Variants in NALCN observed in about 807,000 individuals in gnomAD.
NALCN encodes the protein sodium leak channel NALCN.
NALCN carries 111 observed loss-of-function variants against 225.3 expected under a neutral mutation model. The ratio of observed to expected loss-of-function variants is 0.49; its 90% CI spans 0.42 to 0.58. NALCN has a LOEUF of 0.58. Ranked by LOEUF, NALCN falls within the 20% of genes least tolerant of loss-of-function variation. The pLI is 0.00. For synonymous variants in NALCN, 764 were observed against 769.0 expected (o/e 0.99, Z 0.11); for missense variants, 1,378 against 2,202.4 (o/e 0.63, Z 7.49).
At chr13:101,124,905 GC>G (rs2036161255) in intron 17 of NALCN, among the ~76,000 whole-genome samples, 1 of 152,172 alleles carries the variant, frequency 6.6e-6, no homozygotes, top group African/African-American at 2.4e-5. Flanking sequence ...CATTGGCTGT[GC>G]CTCACTCTGA....
Position 101,111,220 on chromosome 13 carries a change from G to A in NALCN, c.2199C>T (p.Cys733=). Residue 733 remains cysteine (C), a synonymous_variant, in exon 19 of 44, where the codon TGC becomes TGT. Coordinates refer to ENST00000251127, the MANE Select transcript of NALCN (RefSeq NM_052867.4). ...ATCCGCTCAGCATGCGCTGTCGGGT[G>A]CAAGCTCTAGGAAAAAAAAAGGAGC... ...ETAVTKILRA[C]TRQRMLSGSF... 2 of 1,585,680 alleles carry A rather than the reference G, an allele frequency of 1.3e-6. No homozygotes were observed. Among genetic ancestry groups the A allele is most frequent in the Non-Finnish European group, 1.7e-6 (2 of 1,160,972 alleles).
At chr13:101,363,981 G>A (rs932652183) in intron 6 of NALCN, among the ~76,000 whole-genome samples, 1 of 151,994 alleles carries the variant, frequency 6.6e-6, no homozygotes, top group African/African-American at 2.4e-5. Context: ...ATATAAAAAT[G>A]GTTAACATCA....
At chr13:101,110,558 G>T (rs2035371992) in intron 20 of NALCN, 61 bp downstream of exon 20, 1 of 1,555,776 alleles carries the variant, frequency 6.4e-7, no homozygotes, top group Non-Finnish European at 8.9e-7. Flanking sequence ...TGTCTAAGCA[G>T]TCATTTAAAT....
chr13:101,227,044 G>A (rs568146641), intron 13 of NALCN, among the ~76,000 whole-genome samples: 10 of 152,242 alleles, frequency 6.6e-5, no homozygotes, highest in African/African-American at 1.2e-4. Context: ...ACCTCCGGAC[G>A]CTGGAGAGCT....
In NALCN at chr13:101,402,910, C is replaced by A. The variant is rs114129023; in HGVS notation, c.-39-3745G>T. Reference sequence around the variant, plus strand: ...GAAGGCCCAGCAGGTTCTCTTTGCACCCACTCTCAGCAGTGGATTGTTTTC... The same window carrying A: ...GAAGGCCCAGCAGGTTCTCTTTGCAACCACTCTCAGCAGTGGATTGTTTTC... On this transcript the variant is annotated intron_variant, in intron 1 of 43. Coordinates refer to ENST00000251127, the MANE Select transcript of NALCN (RefSeq NM_052867.4). Among the ~76,000 whole-genome samples the A allele has an allele frequency of 8.3e-3, 1,263 of 152,320 alleles. 23 individuals are homozygous for A. The highest frequency in any genetic ancestry group is 0.029 in the African/African-American group (1,205 of 41,566).
chr13:101,250,405 T>C lies in NALCN; in HGVS notation c.1266+8038A>G, dbSNP rs538980203. ...ATAAAGGATAGCACTTATGACAACATGTTATCAACTAAAGCTTTGATGTAT... is the reference window on the plus strand; with the variant it reads ...ATAAAGGATAGCACTTATGACAACACGTTATCAACTAAAGCTTTGATGTAT... On this transcript the variant is annotated intron_variant, in intron 11 of 43. Transcript: ENST00000251127. 1.4e-3 allele frequency among the ~76,000 whole-genome samples: 218 copies of C among 152,206 alleles called. 1 individual carries two copies. Among genetic ancestry groups the C allele is most frequent in the African/African-American group, 5.2e-3 (216 of 41,568 alleles).
At chr13:101,072,694 G>A (rs1208965643) in intron 37 of NALCN, among the ~76,000 whole-genome samples, 4 of 152,086 alleles carry the variant, frequency 2.6e-5, no homozygotes, top group South Asian at 2.1e-4. Context: ...AGACATAGGC[G>A]GCCCTATCTC....
At chr13:101,181,008 A>G in intron 14 of NALCN, 1 of 463,110 alleles carries the variant, frequency 2.2e-6, no homozygotes. Flanking sequence ...ATAAATTCAC[A>G]CATTTAGTTC....
chr13:101,149,713 G>A (rs1392458397), intron 15 of NALCN, among the ~76,000 whole-genome samples: 2 of 152,236 alleles, frequency 1.3e-5, no homozygotes, highest in Non-Finnish European at 2.9e-5. Context: ...AGTTAACACA[G>A]AGAAGGATGA....
At chr13:101,118,874 C>A (rs1312907058) in intron 18 of NALCN, among the ~76,000 whole-genome samples, 2 of 152,118 alleles carry the variant, frequency 1.3e-5, no homozygotes, top group Non-Finnish European at 2.9e-5. Flanking sequence ...GAGCTGAGCT[C>A]AAAGGTCCAG....
Position 101,055,557 on chromosome 13 carries a change from C to G in NALCN, c.5024-69G>C, listed in dbSNP as rs376196561. 2.2e-4 allele frequency: 297 copies of G among 1,333,902 alleles called. 2 individuals are homozygous for G. The African/African-American group carries it at 3.8e-3, about 17-fold the overall frequency. 82.6% of individuals were successfully genotyped at this position (1,333,902 alleles called of 1,614,324 possible). ...CCCTATTGTAATCACTCCTAAAAACCCATGATATTCCCATCAGTGATACTT... is the reference window on the plus strand; with the variant it reads ...CCCTATTGTAATCACTCCTAAAAACGCATGATATTCCCATCAGTGATACTT... On this transcript the variant is annotated intron_variant, in intron 43 of 43. Transcript: ENST00000251127.
intron 6 of NALCN, among the ~76,000 whole-genome samples, chr13:101,371,381 C>T (rs1158094413): frequency 6.6e-6 from 1 of 152,094 alleles, no homozygotes; most frequent in Admixed American, 6.6e-5. Flanking sequence ...TGCAGTGACG[C>T]AATCATAGCT....
At chr13:101,071,731 C>G (rs188154774) in intron 37 of NALCN, among the ~76,000 whole-genome samples, 8 of 152,250 alleles carry the variant, frequency 5.3e-5, no homozygotes, top group Admixed American at 3.3e-4. Context: ...ATTTTAATTC[C>G]CTTCAAGAAC....
intron 17 of NALCN, among the ~76,000 whole-genome samples, chr13:101,128,700 G>A (rs2036361018): frequency 6.6e-6 from 1 of 152,028 alleles, no homozygotes; most frequent in Non-Finnish European, 1.5e-5. Context: ...TGGGACTACA[G>A]GCGTGTGCCA....
At chr13:101,286,468 A>G (rs2043342728) in intron 9 of NALCN, among the ~76,000 whole-genome samples, 2 of 152,200 alleles carry the variant, frequency 1.3e-5, no homozygotes, top group South Asian at 4.1e-4. Context: ...CTAGTCTACA[A>G]GGTGACTGTG....
Position 101,181,234 on chromosome 13 carries a change from C to T in NALCN, c.1765-4860G>A, listed in dbSNP as rs1011594487. On this transcript the variant is annotated intron_variant, in intron 14 of 43. Transcript: ENST00000251127. ...TGTGGTGAGGGCCTGGTGAGTAAGT[C>T]TGGCCAGAGTCTGGCTTCCAGGCAG... The T allele has an allele frequency of 5.8e-6, 3 of 518,708 alleles. No individual in the cohort carries two copies. In the African/African-American group the frequency reaches 5.8e-5, roughly 10 times the overall value. The allele number at this position is 518,708 out of a possible 1,614,324, so 32.1% of individuals were successfully genotyped here.
At chr13:101,365,247 T>G (rs1015527132) in intron 6 of NALCN, among the ~76,000 whole-genome samples, 2 of 152,128 alleles carry the variant, frequency 1.3e-5, no homozygotes, top group Non-Finnish European at 2.9e-5. Flanking sequence ...CTTCTTTGTG[T>G]CTGTATGTAC....
intron 1 of NALCN, among the ~76,000 whole-genome samples, chr13:101,412,502 A>G (rs1429376150): frequency 6.6e-6 from 1 of 152,160 alleles, no homozygotes; most frequent in Admixed American, 6.5e-5. Context: ...TGTCTTCAGA[A>G]CATATTCCGG....
rs540394781 is a variant in NALCN, at chr13:101,289,398, G to A, written c.1047+2592C>T. Among the ~76,000 whole-genome samples, 4 of 152,046 alleles carry A rather than the reference G, an allele frequency of 2.6e-5. No homozygotes were observed. In the East Asian group the frequency reaches 5.8e-4, roughly 22 times the overall value. Reference sequence around the variant, plus strand: ...CCATTCAATTGAAAAATATTGCTTCGTTATTTTAAAGAAACAGTTCTCATC... The same window carrying A: ...CCATTCAATTGAAAAATATTGCTTCATTATTTTAAAGAAACAGTTCTCATC... On this transcript the variant is annotated intron_variant, in intron 9 of 43. Transcript: ENST00000251127.
Sources: allele counts gnomAD v4.1 joint callset (sites outside exome capture counted in the v4.1 genomes callset), GRCh38; gene constraint gnomAD v4.1.1; transcripts MANE v1.5; gene names NCBI Gene and HGNC (gene_info 2026-07-23, HGNC 2026-07-21).